VAMP7: variants seen among roughly 807,000 people sequenced by gnomAD.
The protein encoded by VAMP7 is vesicle associated membrane protein 7, also known as vesicle-associated membrane protein 7.
VAMP7 carries 14 observed loss-of-function variants against 29.6 expected under a neutral mutation model. The ratio of observed to expected loss-of-function variants is 0.47; its 90% CI spans 0.31 to 0.74. The LOEUF (loss-of-function observed/expected upper bound fraction) is 0.74. VAMP7 is among the 30% of genes least tolerant of loss of function. The pLI is 0.05. For synonymous variants in VAMP7, 95 were observed against 88.1 expected, an observed-to-expected ratio of 1.08 and a Z score of -0.44; for missense variants, 223 against 262.4, an observed-to-expected ratio of 0.85 and a Z score of 1.04.
At chrX:155,910,541 C>T (rs2066221948) in intron 5 of VAMP7, among the ~76,000 whole-genome samples, 1 of 149,720 alleles carries the variant, frequency 6.7e-6, no homozygotes, top group Non-Finnish European at 1.5e-5. Flanking sequence ...CACTGGTTTC[C>T]ATAGTAGCTG....
chrX:155,917,174 A>G (rs1211813295), intron 5 of VAMP7, among the ~76,000 whole-genome samples: 6 of 152,066 alleles, frequency 3.9e-5, no homozygotes, highest in Non-Finnish European at 8.8e-5. Context: ...TGTATGCTTC[A>G]CAAAGTTCTC....
chrX:155,936,373 T>A (rs1409358096), intron 6 of VAMP7, among the ~76,000 whole-genome samples: 1 of 152,136 alleles, frequency 6.6e-6, no homozygotes. Context: ...GGCAGCTTTG[T>A]TTACCTACTC....
intron 3 of VAMP7, 76 bp from the exon 4 acceptor site, chrX:155,898,036 T>C: frequency 6.5e-7 from 1 of 1,543,910 alleles, no homozygotes; most frequent in Non-Finnish European, 8.8e-7. Flanking sequence ...TTAGCTGTTT[T>C]TTATTGTTGT....
At chrX:155,931,054 G>T (rs750458180) in intron 6 of VAMP7, among the ~76,000 whole-genome samples, 1 of 151,990 alleles carries the variant, frequency 6.6e-6, no homozygotes, top group African/African-American at 2.4e-5. Flanking sequence ...CCTTTTTTAC[G>T]GCTGCGTAGT....
At chrX:155,901,093 A>G (rs370875975) in intron 5 of VAMP7, among the ~76,000 whole-genome samples, 2 of 152,044 alleles carry the variant, frequency 1.3e-5, no homozygotes, top group African/African-American at 2.4e-5. Context: ...ACCAGTTGCA[A>G]ATACTCTTAA....
At chrX:155,894,648 C>CT (rs1181404262) in intron 2 of VAMP7, among the ~76,000 whole-genome samples, 2 of 152,048 alleles carry the variant, frequency 1.3e-5, no homozygotes, top group Non-Finnish European at 2.9e-5. Flanking sequence ...CAAGGTCTCA[C>CT]TTTGTTACCC....
intron 5 of VAMP7, among the ~76,000 whole-genome samples, chrX:155,909,488 TA>T (rs2066203189): frequency 6.6e-6 from 1 of 152,180 alleles, no homozygotes; most frequent in Non-Finnish European, 1.5e-5. Context: ...TTGTTCACCC[TA>T]ATATTTATTT....
At position 155,938,066 on chromosome X, in the gene VAMP7, A is replaced by G. The variant is rs779218540; in HGVS notation, c.502-1635A>G. Among the ~76,000 whole-genome samples the G allele has an allele frequency of 2.3e-4, 35 of 152,222 alleles. No homozygotes were observed. In the East Asian group the frequency reaches 6.0e-3, roughly 26 times the overall value. ...GTTATCTAATTTTTTATGTCCTCTGATGACTTTGTTTAAAATTAGTTCAAT... is the reference window on the plus strand; with the variant it reads ...GTTATCTAATTTTTTATGTCCTCTGGTGACTTTGTTTAAAATTAGTTCAAT... On this transcript the variant is annotated intron_variant, in intron 6 of 7. Transcript: ENST00000286448.
At chrX:155,922,656 G>T (rs1199381793) in intron 6 of VAMP7, among the ~76,000 whole-genome samples, 1 of 152,004 alleles carries the variant, frequency 6.6e-6, no homozygotes, top group Non-Finnish European at 1.5e-5. Flanking sequence ...ATAGTGGTCT[G>T]TAATTTATTT....
chrX:155,932,941 T>C (rs2066585759), intron 6 of VAMP7, among the ~76,000 whole-genome samples: 1 of 152,206 alleles, frequency 6.6e-6, no homozygotes, highest in African/African-American at 2.4e-5. Context: ...AAAGGCCTTT[T>C]CTGCATCTAT....
At chrX:155,888,052 A>G (rs1470688695) in intron 1 of VAMP7, among the ~76,000 whole-genome samples, 1 of 152,156 alleles carries the variant, frequency 6.6e-6, no homozygotes, top group Non-Finnish European at 1.5e-5. Flanking sequence ...CTTACTGCAT[A>G]TGTGTAAGGA....
intron 5 of VAMP7, among the ~76,000 whole-genome samples, chrX:155,914,673 T>G (rs1211217806): frequency 6.6e-6 from 1 of 152,160 alleles, no homozygotes; most frequent in Non-Finnish European, 1.5e-5. Context: ...TTTATTGATT[T>G]GCGTATGTTG....
At position 155,913,066 on chromosome X, in the gene VAMP7, T is replaced by G. The variant is rs183965946; in HGVS notation, c.434-6747T>G. 1.4e-3 allele frequency among the ~76,000 whole-genome samples: 212 copies of G among 152,266 alleles called. 1 individual carries two copies. Among genetic ancestry groups the G allele is most frequent in the African/African-American group, 4.9e-3 (203 of 41,568 alleles). On this transcript the variant is annotated intron_variant, in intron 5 of 7. Coordinates refer to ENST00000286448, the MANE Select transcript of VAMP7 (RefSeq NM_005638.6). Reference sequence around the variant, plus strand: ...ATGATTGCCATTTAATGGTCGCCATTCTTACTGGTGTGAGAGGATATCTCA... The same window carrying G: ...ATGATTGCCATTTAATGGTCGCCATGCTTACTGGTGTGAGAGGATATCTCA...
chrX:155,935,774 G>T (rs190446658), intron 6 of VAMP7, among the ~76,000 whole-genome samples: 1 of 152,050 alleles, frequency 6.6e-6, no homozygotes, highest in Non-Finnish European at 1.5e-5. Flanking sequence ...GAGGAGAGGC[G>T]CTCTGATTTT....
intron 5 of VAMP7, among the ~76,000 whole-genome samples, chrX:155,901,925 T>C (rs1331593075): frequency 6.6e-6 from 1 of 152,136 alleles, no homozygotes; most frequent in African/African-American, 2.4e-5. Flanking sequence ...ATTGGTAGCT[T>C]GATGGGGATG....
At chrX:155,906,066 A>T (rs1400400726) in intron 5 of VAMP7, among the ~76,000 whole-genome samples, 1 of 152,008 alleles carries the variant, frequency 6.6e-6, no homozygotes, top group Non-Finnish European at 1.5e-5. Context: ...TTTTCCAACA[A>T]TGTTTTGTAG....
At chrX:155,895,477 G>T in intron 2 of VAMP7, 146 bp from the exon 3 acceptor site, 1 of 581,384 alleles carries the variant, frequency 1.7e-6, no homozygotes, top group South Asian at 2.4e-5. Flanking sequence ...CAGGTATATT[G>T]GGAAGGGGAA....
In VAMP7 at chrX:155,889,634, G is replaced by A. The variant is rs199920196; in HGVS notation, c.146+22G>A. On this transcript the variant is annotated intron_variant, in intron 2 of 7. Transcript: ENST00000286448. ...GCAAGTGAGTTCTGTTCTGCATGTG[G>A]TAAGGGATGAAAGAAGGGAATTCTG... is the stretch of plus-strand genomic sequence containing the variant. 2.0e-4 allele frequency: 316 copies of A among 1,612,310 alleles called. 2 individuals are homozygous for A. Among genetic ancestry groups the A allele is most frequent in the South Asian group, 1.9e-3 (172 of 90,744 alleles).
intron 5 of VAMP7, among the ~76,000 whole-genome samples, chrX:155,917,578 G>A (rs1447560119): frequency 1.3e-5 from 2 of 152,174 alleles, no homozygotes; most frequent in Non-Finnish European, 2.9e-5. Flanking sequence ...CTGCAGGTCT[G>A]CTGGAGTTTG....
Sources: gnomAD v4.1 joint callset for allele counts (sites outside exome capture counted in the v4.1 genomes callset) on GRCh38, gnomAD v4.1.1 for gene constraint, MANE v1.5 for transcripts, NCBI Gene and HGNC (gene_info 2026-07-23, HGNC 2026-07-21) for gene names.